UBAP2L: variants seen among roughly 807,000 people sequenced by gnomAD.
UBAP2L encodes the protein ubiquitin-associated protein 2-like.
Under a neutral mutation model 130.6 loss-of-function variants are expected in UBAP2L, and 12 were observed. The observed-to-expected ratio is 0.09, with a 90% confidence interval of 0.06 to 0.15. The LOEUF is 0.15. UBAP2L is among the 10% of genes least tolerant of loss of function. The pLI is 1.00. For synonymous variants in UBAP2L, 503 were observed against 524.7 expected (o/e 0.96, Z 0.57); for missense variants, 965 against 1,332.5 (o/e 0.72, Z 4.29).
intron 17 of UBAP2L, 140 bp from the exon 18 acceptor site, chr1:154,255,543 G>A (rs1295529545): frequency 4.4e-6 from 5 of 1,142,802 alleles, no homozygotes; most frequent in African/African-American, 1.5e-5. Flanking sequence ...ACCCCTGGCT[G>A]GCCATTGTGC....
intron 24 of UBAP2L, among the ~76,000 whole-genome samples, chr1:154,264,622 C>A (rs1050683720): frequency 6.6e-6 from 1 of 152,148 alleles, no homozygotes; most frequent in Non-Finnish European, 1.5e-5. Flanking sequence ...AGAATGAGAT[C>A]AGGTAGGGGC....
At position 154,236,986 on chromosome 1, in the gene UBAP2L, C is replaced by G. The variant is rs565567404; in HGVS notation, c.591-38C>G. The G allele has an allele frequency of 3.9e-6, 6 of 1,527,844 alleles. No homozygotes were observed. The South Asian group carries it at 6.8e-5, about 17-fold the overall frequency. 94.6% of individuals were successfully genotyped at this position (1,527,844 alleles called of 1,614,324 possible). ...TTTGAGTTAATATTTGCCAAAGCTG[C>G]TTAGAGGTCAGAGACTCTTAAGTTT... On this transcript the variant is annotated intron_variant, in intron 7 of 26. Coordinates refer to ENST00000428931, the MANE Select transcript of UBAP2L (RefSeq NM_014847.4).
At chr1:154,262,200 G>C (rs1681785918) in intron 24 of UBAP2L, among the ~76,000 whole-genome samples, 2 of 152,172 alleles carry the variant, frequency 1.3e-5, no homozygotes, top group Non-Finnish European at 2.9e-5. Context: ...TGGAGAAAAA[G>C]GAGTAGGCGT....
At chr1:154,243,462 TTTTTTTTTTTG>T (rs1346156719) in intron 10 of UBAP2L, among the ~76,000 whole-genome samples, 160 bp downstream of exon 10, 2 of 144,732 alleles carry the variant, frequency 1.4e-5, no homozygotes, top group Admixed American at 1.4e-4. Context: ...GAGAGACTTC[TTTTTTTTTTTG>T]TTTTTGAGAC....
chr1:154,231,697 T>C (rs182049734), intron 4 of UBAP2L, among the ~76,000 whole-genome samples: 6 of 152,344 alleles, frequency 3.9e-5, no homozygotes, highest in African/African-American at 1.4e-4. Flanking sequence ...CTTCACTTAG[T>C]GTAATGTTTC....
chr1:154,262,246 A>G (rs1681807094), intron 24 of UBAP2L, among the ~76,000 whole-genome samples: 1 of 152,024 alleles, frequency 6.6e-6, no homozygotes, highest in African/African-American at 2.4e-5. Flanking sequence ...GGACTGGGAG[A>G]GTTGGGCCTT....
At chr1:154,269,222 C>T (rs770260530) in intron 26 of UBAP2L, 259 of 915,434 alleles carry the variant, frequency 2.8e-4, no homozygotes, top group Non-Finnish European at 4.2e-4. Context: ...GTCCTCATCC[C>T]ATCAGACCTG....
At chr1:154,250,089 A>G (rs1009248318) in intron 12 of UBAP2L, among the ~76,000 whole-genome samples, 4 of 152,174 alleles carry the variant, frequency 2.6e-5, no homozygotes, top group Non-Finnish European at 4.4e-5. Flanking sequence ...AACATAAGAC[A>G]AGGTCTAGTT....
At chr1:154,254,963 TC>T (rs1679130638) in intron 16 of UBAP2L, 73 bp downstream of exon 16, 2 of 1,531,446 alleles carry the variant, frequency 1.3e-6, no homozygotes, top group Non-Finnish European at 1.8e-6. Flanking sequence ...ATCCATTAGT[TC>T]CCTTCACTGG....
Position 154,246,441 on chromosome 1 carries a change from C to T in UBAP2L, c.1014+66C>T, listed in dbSNP as rs1675505667. ...CTAATCCTAGCACACATACACAGTTCCTTCCAAAGACAGTCAGGTTTTTGG... is the reference window on the plus strand; with the variant it reads ...CTAATCCTAGCACACATACACAGTTTCTTCCAAAGACAGTCAGGTTTTTGG... On this transcript the variant is annotated intron_variant, in intron 11 of 26. Coordinates refer to ENST00000428931, the MANE Select transcript of UBAP2L (RefSeq NM_014847.4). 3 of 1,519,128 alleles carry T rather than the reference C, an allele frequency of 2.0e-6. No homozygotes were observed. The South Asian group carries it at 3.8e-5, about 19-fold the overall frequency. 94.1% of individuals were successfully genotyped at this position (1,519,128 alleles called of 1,614,324 possible).
chr1:154,235,337 T>C, intron 6 of UBAP2L, 46 bp downstream of exon 6: 6 of 719,972 alleles, frequency 8.3e-6, no homozygotes, highest in Non-Finnish European at 1.5e-5. Context: ...GGTTACTCTT[T>C]ATTCATTAAT....
intron 8 of UBAP2L, among the ~76,000 whole-genome samples, chr1:154,239,292 A>T (rs915353400): frequency 3.3e-5 from 5 of 151,908 alleles, no homozygotes; most frequent in African/African-American, 1.2e-4. Context: ...TGAGGGGTCA[A>T]ATTATCCCCC....
chr1:154,232,565 G>A (rs1020257939), intron 4 of UBAP2L, among the ~76,000 whole-genome samples: 12 of 152,110 alleles, frequency 7.9e-5, no homozygotes, highest in African/African-American at 2.7e-4. Context: ...TTTCACTGGG[G>A]AAAGTTAAAT....
At chr1:154,243,043 A>G (rs1443148794) in intron 9 of UBAP2L, 174 bp from the exon 10 acceptor site, 7 of 528,824 alleles carry the variant, frequency 1.3e-5, no homozygotes, top group South Asian at 4.9e-5. Context: ...GGCTAAAACT[A>G]TTGAGCATAT....
chr1:154,234,526 T>C (rs543673230), intron 4 of UBAP2L, 65 bp from the exon 5 acceptor site: 1 of 1,567,166 alleles, frequency 6.4e-7, no homozygotes, highest in East Asian at 2.3e-5. Flanking sequence ...TCATCCCAGC[T>C]TTCATCTCTA....
At chr1:154,256,557 T>C (rs950767265) in intron 18 of UBAP2L, among the ~76,000 whole-genome samples, 5 of 152,188 alleles carry the variant, frequency 3.3e-5, no homozygotes, top group Non-Finnish European at 1.5e-5. Context: ...AAGGACTGTT[T>C]GAGCCCAGGA....
intron 20 of UBAP2L, chr1:154,257,756 G>T: frequency 2.9e-6 from 1 of 342,028 alleles, no homozygotes; most frequent in Non-Finnish European, 5.4e-6. Context: ...TTGCAGTTTT[G>T]GAAAAAATAC....
chr1:154,238,688 A>G lies in UBAP2L; in HGVS notation c.703+1552A>G, dbSNP rs534316134. On this transcript the variant is annotated intron_variant, in intron 8 of 26. Coordinates refer to ENST00000428931, the MANE Select transcript of UBAP2L (RefSeq NM_014847.4). ...ACGCCACTATCGTCTTGTTAGTGCA[A>G]AAGTGTTGGTTATAGCTTCATGAAT... 1.1e-4 allele frequency among the ~76,000 whole-genome samples: 16 copies of G among 152,210 alleles called. No homozygotes were observed. The South Asian group carries it at 3.3e-3, about 32-fold the overall frequency.
intron 25 of UBAP2L, 33 bp downstream of exon 25, chr1:154,266,601 G>T: frequency 6.2e-7 from 1 of 1,604,798 alleles, no homozygotes; most frequent in Non-Finnish European, 8.5e-7. Flanking sequence ...AAGTGGAAAA[G>T]AGATAGACAT....
Sources: allele counts gnomAD v4.1 joint callset (sites outside exome capture counted in the v4.1 genomes callset), GRCh38; gene constraint gnomAD v4.1.1; transcripts MANE v1.5; gene names NCBI Gene and HGNC (gene_info 2026-07-23, HGNC 2026-07-21).